Variants in SPHKAP observed in about 807,000 individuals in gnomAD.
The protein encoded by SPHKAP is A-kinase anchor protein SPHKAP.
SPHKAP carries 67 observed loss-of-function variants against 137.5 expected under a neutral mutation model. That is an observed-to-expected ratio of 0.49 (90% CI 0.40 to 0.60). SPHKAP has a LOEUF of 0.60. Among genes scored for constraint, SPHKAP ranks in the 20% least tolerant of loss-of-function variants. The probability of loss-of-function intolerance (pLI) is 0.00; values close to 1 mark genes in which losing one functional copy is unlikely to be tolerated. For synonymous variants in SPHKAP, 813 were observed against 785.3 expected, an observed-to-expected ratio of 1.04 and a Z score of -0.59; for missense variants, 2,097 against 2,069.3, an observed-to-expected ratio of 1.01 and a Z score of -0.26.
At position 228,019,784 on chromosome 2, in the gene SPHKAP, C is replaced by T. The variant is rs1270434757; in HGVS notation, c.1070G>A (p.Cys357Tyr). 4 of 1,613,962 alleles carry T rather than the reference C, an allele frequency of 2.5e-6. No individual in the cohort carries two copies. Among genetic ancestry groups the T allele is most frequent in the South Asian group, 2.2e-5 (2 of 91,064 alleles). ...GTTGCTTCTCTGCTCTGCCACAGCA[C>T]ATGCAGAAGGTACATCTTTATCCAT... ...SMMDKDVPSA[C>Y]AVAEQRSNLN... is the part of the protein sequence containing the mutation. The change falls in exon 7 of 12, where the codon TGT (cysteine) becomes TAT (tyrosine). Residue 357 changes from cysteine (C) to tyrosine (Y), a missense_variant. By Grantham distance (194) the Cys-to-Tyr change is radical. Coordinates refer to ENST00000392056, the MANE Select transcript of SPHKAP (RefSeq NM_001142644.2).
At chr2:228,114,347 T>C (rs1248934468) in intron 2 of SPHKAP, among the ~76,000 whole-genome samples, 2 of 152,182 alleles carry the variant, frequency 1.3e-5, no homozygotes, top group African/African-American at 4.8e-5. Context: ...GAGGGAGAAA[T>C]AGACTTTGGA....
intron 3 of SPHKAP, among the ~76,000 whole-genome samples, chr2:228,100,593 G>A (rs1698156847): frequency 6.7e-6 from 1 of 149,798 alleles, no homozygotes; most frequent in African/African-American, 2.5e-5. Context: ...TGCATCTATT[G>A]AGATGATAGT....
In SPHKAP at chr2:227,981,702, C is replaced by T. The variant is rs201172454; in HGVS notation, c.*15G>A. On this transcript the variant is annotated 3_prime_UTR_variant, in exon 12 of 12. Transcript: ENST00000392056. Reference sequence around the variant, plus strand: ...GAATAAAGGGAAGGAATGATCTATACGGCAGACTGCCTTATTATCCCAGTT... The same window carrying T: ...GAATAAAGGGAAGGAATGATCTATATGGCAGACTGCCTTATTATCCCAGTT... The T allele has an allele frequency of 2.0e-4, 325 of 1,609,948 alleles. No homozygotes were observed. The highest frequency in any genetic ancestry group is 2.3e-4 in the Non-Finnish European group (268 of 1,178,164).
rs1314921226 is a variant in SPHKAP, at chr2:228,181,003, G to A, written c.32+564C>T. 3.3e-5 allele frequency among the ~76,000 whole-genome samples: 5 copies of A among 152,020 alleles called. No individual in the cohort carries two copies. The highest frequency in any genetic ancestry group is 9.7e-5 in the African/African-American group (4 of 41,398). ...TGGCAGGGGGTGTGGGGACGGTGGAGGACTGTGGGACTGCAGGGGACCTAG... is the reference window on the plus strand; with the variant it reads ...TGGCAGGGGGTGTGGGGACGGTGGAAGACTGTGGGACTGCAGGGGACCTAG... On this transcript the variant is annotated intron_variant, in intron 1 of 11. Transcript: ENST00000392056. The surrounding 1 kb of genome is among the most constrained non-coding windows in gnomAD (Gnocchi z 4.3).
chr2:228,118,483 C>T (rs13422753), intron 2 of SPHKAP, among the ~76,000 whole-genome samples: 10,465 of 151,922 alleles, frequency 0.069, 1,116 homozygotes, highest in African/African-American at 0.23. Flanking sequence ...TTTCCACCAG[C>T]GAGGTATGAG....
At chr2:228,162,722 GA>G (rs756955963) in intron 1 of SPHKAP, among the ~76,000 whole-genome samples, 2 of 151,946 alleles carry the variant, frequency 1.3e-5, no homozygotes, top group South Asian at 2.1e-4. Flanking sequence ...TTTTTAGACG[GA>G]GTTTTACTCT....
intron 3 of SPHKAP, among the ~76,000 whole-genome samples, chr2:228,067,646 T>C (rs1238603150): frequency 1.3e-5 from 2 of 152,226 alleles, no homozygotes; most frequent in African/African-American, 2.4e-5. Context: ...GTTTTCTCTT[T>C]TTTATATTGA....
intron 2 of SPHKAP, among the ~76,000 whole-genome samples, chr2:228,128,001 G>A (rs1044660947): frequency 1.3e-5 from 2 of 152,164 alleles, no homozygotes; most frequent in Admixed American, 6.5e-5. Flanking sequence ...CTTTTTGCTG[G>A]TGAAAGGTCT....
At chr2:228,151,094 C>G (rs1699914831) in intron 1 of SPHKAP, among the ~76,000 whole-genome samples, 1 of 144,110 alleles carries the variant, frequency 6.9e-6, no homozygotes, top group South Asian at 2.2e-4. Flanking sequence ...TCCCCCCACC[C>G]CACCACAGTC....
At chr2:228,115,790 T>C (rs1020231824) in intron 2 of SPHKAP, among the ~76,000 whole-genome samples, 1 of 151,976 alleles carries the variant, frequency 6.6e-6, no homozygotes, top group Non-Finnish European at 1.5e-5. Context: ...GGGATGGGGA[T>C]TGTTATGGTC....
chr2:228,181,520 G>A lies in SPHKAP; in HGVS notation c.32+47C>T. 1 of 1,614,064 alleles carries A rather than the reference G, an allele frequency of 6.2e-7. No homozygotes were observed. The highest frequency in any genetic ancestry group is 8.5e-7 in the Non-Finnish European group (1 of 1,179,904). The stretch of plus-strand genomic sequence containing the variant: ...TGGTGAGCGACTCACAACGCGGAAC[G>A]GAGTTTGATCGACATGGTATTGGGC... On this transcript the variant is annotated intron_variant, in intron 1 of 11. Coordinates refer to ENST00000392056, the MANE Select transcript of SPHKAP (RefSeq NM_001142644.2). This position sits in a 1 kb window ranked among gnomAD's most constrained non-coding sequence, Gnocchi z 4.3.
At chr2:228,131,348 T>C (rs990988300) in intron 2 of SPHKAP, 2 of 977,878 alleles carry the variant, frequency 2.0e-6, no homozygotes, top group African/African-American at 3.5e-5. Context: ...ACAAAAGCAT[T>C]AGATGGGGAA....
chr2:228,065,502 T>G (rs541186682), intron 3 of SPHKAP, among the ~76,000 whole-genome samples: 29 of 152,326 alleles, frequency 1.9e-4, no homozygotes, highest in African/African-American at 6.7e-4. Context: ...ACCGCAAGTC[T>G]AAACTATTTC....
chr2:228,116,975 C>T (rs984079978), intron 2 of SPHKAP, among the ~76,000 whole-genome samples: 4 of 152,048 alleles, frequency 2.6e-5, no homozygotes, highest in African/African-American at 9.7e-5. Flanking sequence ...CATCAATGTT[C>T]TTCCCCAACC....
At chr2:228,118,795 G>T (rs12476368) in intron 2 of SPHKAP, among the ~76,000 whole-genome samples, 52,304 of 151,850 alleles carry the variant, frequency 0.34, 9,270 homozygotes, top group East Asian at 0.5. Flanking sequence ...TCTTTCATTC[G>T]ACTACTTGTT....
At position 228,151,881 on chromosome 2, in the gene SPHKAP, G is replaced by A. The variant is rs112270299; in HGVS notation, c.33-19796C>T. Among the ~76,000 whole-genome samples, 151 of 152,010 alleles carry A rather than the reference G, an allele frequency of 9.9e-4. 1 individual carries two copies. Among genetic ancestry groups the A allele is most frequent in the African/African-American group, 3.2e-3 (134 of 41,494 alleles). ...AAAGTACACTTTTAAGACTATATGC[G>A]TTTCTCTTAAAATGGCTTTATCTTC... On this transcript the variant is annotated intron_variant, in intron 1 of 11. Coordinates refer to ENST00000392056, the MANE Select transcript of SPHKAP (RefSeq NM_001142644.2).
chr2:228,148,352 G>T (rs1445802353), intron 1 of SPHKAP, among the ~76,000 whole-genome samples: 1 of 152,184 alleles, frequency 6.6e-6, no homozygotes. Flanking sequence ...AACTAAAAAT[G>T]TCTGCCACCT....
chr2:228,017,522 C>T lies in SPHKAP; in HGVS notation c.3332G>A (p.Ser1111Asn). ...GLMSTLSQPVSRASSVSKQSS... is the reference protein window; with the variant it reads ...GLMSTLSQPVNRASSVSKQSS... ...CTGCTTGGAGACAGAGCTGGCCCTG[C>T]TGACCGGCTGGCTCAGCGTGCTCAT... The change falls in exon 7 of 12, where the codon AGC (serine) becomes AAC (asparagine). Residue 1111 changes from serine (S) to asparagine (N), a missense_variant. By Grantham distance (46) the Ser-to-Asn change is conservative. Transcript: ENST00000392056. 6.2e-7 allele frequency: 1 copy of T among 1,613,082 alleles called. No individual in the cohort carries two copies.
At chr2:227,987,581 GA>G (rs1420770419) in intron 11 of SPHKAP, among the ~76,000 whole-genome samples, 2 of 152,196 alleles carry the variant, frequency 1.3e-5, no homozygotes, top group Non-Finnish European at 2.9e-5. Flanking sequence ...AAGTGAAAGG[GA>G]AAATTTGAAA....
Sources: gnomAD v4.1 joint callset for allele counts (sites outside exome capture counted in the v4.1 genomes callset) on GRCh38, gnomAD v4.1.1 for gene constraint, Gnocchi (gnomAD v3.1) non-coding constraint, MANE v1.5 for transcripts, NCBI Gene and HGNC (gene_info 2026-07-23, HGNC 2026-07-21) for gene names.